The following SNCAIP variants were observed in gnomAD, a reference collection of about 807,000 sequenced individuals.
SNCAIP encodes the protein synuclein alpha interacting protein.
Under a neutral mutation model 86.7 loss-of-function variants are expected in SNCAIP, and 43 were observed. The ratio of observed to expected loss-of-function variants is 0.50; its 90% CI spans 0.39 to 0.64. SNCAIP has a LOEUF of 0.64. SNCAIP is among the 30% of genes least tolerant of loss of function. The pLI, the probability that SNCAIP is intolerant of heterozygous loss-of-function variation, is 0.00. For missense variants in SNCAIP, 981 were observed against 1,103.1 expected, an observed-to-expected ratio of 0.89 and a Z score of 1.57; for synonymous variants, 417 against 427.2, an observed-to-expected ratio of 0.98 and a Z score of 0.29.
chr5:122,351,925 T>C (rs1759941558), intron 1 of SNCAIP, among the ~76,000 whole-genome samples: 2 of 152,188 alleles, frequency 1.3e-5, no homozygotes, highest in African/African-American at 4.8e-5. Flanking sequence ...AGCAGGATGA[T>C]CTGATCTCAC....
intron 1 of SNCAIP, among the ~76,000 whole-genome samples, chr5:122,338,807 A>G (rs1403421254): frequency 6.6e-6 from 1 of 152,170 alleles, no homozygotes; most frequent in African/African-American, 2.4e-5. Context: ...TCATTTCCTA[A>G]AATTCTTTGT....
At chr5:122,448,727 TTA>T (rs565840571) in intron 8 of SNCAIP, among the ~76,000 whole-genome samples, 10 of 134,140 alleles carry the variant, frequency 7.5e-5, no homozygotes, top group African/African-American at 1.7e-4. Context: ...TATATATGTT[TTA>T]TATATATATA....
chr5:122,411,497 T>G (rs142498553), intron 3 of SNCAIP, among the ~76,000 whole-genome samples: 78 of 152,276 alleles, frequency 5.1e-4, no homozygotes, highest in African/African-American at 1.8e-3. Flanking sequence ...CAATATTAAA[T>G]GGGCTCTATC....
chr5:122,356,167 G>A (rs551870881), intron 1 of SNCAIP, among the ~76,000 whole-genome samples: 7 of 134,500 alleles, frequency 5.2e-5, no homozygotes, highest in Non-Finnish European at 9.2e-5. Flanking sequence ...TGGCATGAAT[G>A]ATCACAGCTC....
chr5:122,370,060 A>G (rs1218310492), intron 1 of SNCAIP: 1 of 152,220 alleles, frequency 6.6e-6, no homozygotes, highest in Non-Finnish European at 1.5e-5. Context: ...TAGCTAGAAG[A>G]GAAAAATTGT....
chr5:122,453,145 G>T (rs999020906), intron 10 of SNCAIP: 3 of 564,300 alleles, frequency 5.3e-6, no homozygotes, highest in Non-Finnish European at 9.6e-6. Context: ...GTAGAAGCAG[G>T]CACTGATGTA....
chr5:122,411,795 A>G (rs898462913), intron 3 of SNCAIP, among the ~76,000 whole-genome samples: 1 of 152,132 alleles, frequency 6.6e-6, no homozygotes, highest in Non-Finnish European at 1.5e-5. Flanking sequence ...CGTTTTAACA[A>G]GCTCAATCCC....
At chr5:122,461,851 T>C (rs1301297259) in intron 10 of SNCAIP, among the ~76,000 whole-genome samples, 1 of 152,074 alleles carries the variant, frequency 6.6e-6, no homozygotes, top group African/African-American at 2.4e-5. Flanking sequence ...GTATTTTTGG[T>C]AGAGACAGGG....
chr5:122,433,477 A>G (rs559455233), intron 6 of SNCAIP, among the ~76,000 whole-genome samples: 9 of 152,142 alleles, frequency 5.9e-5, no homozygotes, highest in Non-Finnish European at 1.0e-4. Context: ...AGAGGCACTG[A>G]TATAGCTGAA....
Position 122,446,451 on chromosome 5 carries a change from A to G in SNCAIP, c.1592+1719A>G, listed in dbSNP as rs1255671941. Among the ~76,000 whole-genome samples the G allele has an allele frequency of 2.6e-5, 4 of 152,202 alleles. No individual in the cohort carries two copies. In the East Asian group the frequency reaches 7.7e-4, roughly 29 times the overall value. On this transcript the variant is annotated intron_variant, in intron 8 of 10. Transcript: ENST00000261368. ...ATCTACAAAACTTTCATGAGCTACA[A>G]TCGCTCTTTTATTGGTGAACTGCTC...
chr5:122,336,984 C>T (rs1222830570), intron 1 of SNCAIP: 1 of 152,098 alleles, frequency 6.6e-6, no homozygotes, highest in Non-Finnish European at 1.5e-5. Context: ...CAGGACTATT[C>T]CAGGATGGTT....
intron 1 of SNCAIP, among the ~76,000 whole-genome samples, chr5:122,325,789 A>AT (rs948620887): frequency 3.3e-5 from 5 of 151,916 alleles, no homozygotes; most frequent in South Asian, 4.2e-4. Flanking sequence ...GCATTCTTCA[A>AT]TTTTTTTTGA....
At chr5:122,355,556 T>G (rs1378610159) in intron 1 of SNCAIP, among the ~76,000 whole-genome samples, 3 of 152,212 alleles carry the variant, frequency 2.0e-5, no homozygotes, top group African/African-American at 7.2e-5. Flanking sequence ...TGCCAGTGTT[T>G]CCTCTCGTTG....
intron 7 of SNCAIP, among the ~76,000 whole-genome samples, chr5:122,443,925 A>T (rs1781696174): frequency 6.6e-6 from 1 of 152,146 alleles, no homozygotes; most frequent in Admixed American, 6.5e-5. Flanking sequence ...AATTGTAGCC[A>T]TAGAACCCTC....
chr5:122,420,585 ATT>A (rs201297890), intron 3 of SNCAIP, among the ~76,000 whole-genome samples: 121 of 151,480 alleles, frequency 8.0e-4, no homozygotes, highest in Middle Eastern at 3.4e-3. Flanking sequence ...GTATATATAT[ATT>A]TTTTTTTCCA....
rs557858683 is a variant in SNCAIP, at chr5:122,432,148, T to C, written c.1296+66T>C. On this transcript the variant is annotated intron_variant, in intron 6 of 10. Coordinates refer to ENST00000261368, the MANE Select transcript of SNCAIP (RefSeq NM_005460.4). The stretch of plus-strand genomic sequence containing the variant: ...TATAATCTTCCTACTTTTTTATTAT[T>C]AGTCCATCAAAATCCAAACATAAGA... The C allele has an allele frequency of 3.7e-5, 28 of 759,548 alleles. No individual in the cohort carries two copies. The Admixed American group carries it at 3.8e-4, about 10-fold the overall frequency. 47.1% of individuals were successfully genotyped at this position (759,548 alleles called of 1,614,324 possible).
intron 7 of SNCAIP, 194 bp from the exon 8 acceptor site, chr5:122,444,369 G>A: frequency 1.6e-6 from 1 of 639,124 alleles, no homozygotes; most frequent in Non-Finnish European, 2.8e-6. Context: ...CTCCTTATGT[G>A]GGCTGCAGAT....
intron 1 of SNCAIP, among the ~76,000 whole-genome samples, chr5:122,346,878 T>C (rs1326369318): frequency 6.6e-6 from 1 of 151,806 alleles, no homozygotes; most frequent in East Asian, 1.9e-4. Flanking sequence ...CACATAAAAG[T>C]AATAATTTTG....
chr5:122,411,107 C>A (rs751052580), intron 3 of SNCAIP, among the ~76,000 whole-genome samples: 41 of 152,226 alleles, frequency 2.7e-4, no homozygotes, highest in Middle Eastern at 3.4e-3. Flanking sequence ...ATCTTCCACT[C>A]CCCAAACTGG....
Sources: allele counts gnomAD v4.1 joint callset (sites outside exome capture counted in the v4.1 genomes callset), GRCh38; gene constraint gnomAD v4.1.1; transcripts MANE v1.5; gene names NCBI Gene and HGNC (gene_info 2026-07-23, HGNC 2026-07-21).